Variants in TRIO observed in about 807,000 individuals in gnomAD.
TRIO encodes the protein triple functional domain protein.
In TRIO, 58 loss-of-function variants were observed where a neutral mutation model predicts 351.9. That is an observed-to-expected ratio of 0.16 (90% CI 0.13 to 0.21). The LOEUF is 0.21. Among genes scored for constraint, TRIO ranks in the 10% least tolerant of loss-of-function variants. The pLI, the probability that TRIO is intolerant of heterozygous loss-of-function variation, is 1.00. For missense variants in TRIO, 3,201 were observed against 4,027.8 expected (o/e 0.79, Z 5.56); for synonymous variants, 1,758 against 1,595.7 (o/e 1.10, Z -2.42).
At chr5:14,337,268 G>A (rs1389046133) in intron 11 of TRIO, among the ~76,000 whole-genome samples, 1 of 152,144 alleles carries the variant, frequency 6.6e-6, no homozygotes, top group Admixed American at 6.5e-5. Context: ...TGAAAAATAG[G>A]TAGGTACTAA....
chr5:14,369,440 G>T lies in TRIO; in HGVS notation c.3133G>T (p.Asp1045Tyr). 1.2e-6 allele frequency: 2 copies of T among 1,614,142 alleles called. No homozygotes were observed. The highest frequency in any genetic ancestry group is 1.7e-6 in the Non-Finnish European group (2 of 1,180,008). Residue 1045 changes from aspartate to tyrosine, a missense_variant, in exon 18 of 57, where the codon GAT becomes TAT. Around this residue, in one of 19 missense-constraint regions of TRIO, gnomAD observed 363 missense variants for 553.5 expected, o/e 0.66. Coordinates refer to ENST00000344204, the MANE Select transcript of TRIO (RefSeq NM_007118.4). ...AGAAGAAGACTGGTGTGGCGGGGCG[G>T]ATAAGCTGGGCCCAAACTCTGAGAC... ...KREEDWCGGA[D>Y]KLGPNSETDH...
intron 30 of TRIO, among the ~76,000 whole-genome samples, chr5:14,400,426 T>G (rs574717701): frequency 6.6e-6 from 1 of 152,330 alleles, no homozygotes; most frequent in African/African-American, 2.4e-5. Flanking sequence ...TTTCTCTGCA[T>G]GCTTCCATGT....
At chr5:14,442,547 C>T (rs1382353316) in intron 34 of TRIO, among the ~76,000 whole-genome samples, 1 of 152,154 alleles carries the variant, frequency 6.6e-6, no homozygotes, top group South Asian at 2.1e-4. Flanking sequence ...TTCAATAATA[C>T]TCCTTGTATT....
Position 14,419,964 on chromosome 5 carries a change from C to G in TRIO, c.5146C>G (p.Leu1716Val). The G allele has an allele frequency of 6.2e-7, 1 of 1,614,274 alleles. No individual in the cohort carries two copies. Among genetic ancestry groups the G allele is most frequent in the Non-Finnish European group, 8.5e-7 (1 of 1,180,046 alleles). Residue 1716 changes from leucine (L) to valine (V), a missense_variant, in exon 34 of 57, where the codon CTG (leucine) becomes GTG (valine). Coordinates refer to ENST00000344204, the MANE Select transcript of TRIO (RefSeq NM_007118.4). ...AAEGLVPCGSLCIAHSRSSME... is the reference protein window; with the variant it reads ...AAEGLVPCGSVCIAHSRSSME... ...AGAAGGCCTGGTCCCCTGTGGTTCA[C>G]TGTGCATCGCCCACTCCAGAAGTAG...
chr5:14,231,548 T>G (rs2152222307), intron 1 of TRIO, among the ~76,000 whole-genome samples: 1 of 152,358 alleles, frequency 6.6e-6, no homozygotes, highest in Admixed American at 6.5e-5. Flanking sequence ...CTGGGCCTTC[T>G]TTGCTCTCCT....
At chr5:14,289,556 T>G (rs571538331) in intron 4 of TRIO, among the ~76,000 whole-genome samples, 1 of 132,032 alleles carries the variant, frequency 7.6e-6, no homozygotes, top group African/African-American at 3.1e-5. Context: ...TTTCCTTTTT[T>G]AAAAAAAAAG....
chr5:14,424,830 G>A lies in TRIO; in HGVS notation c.5203+4809G>A, dbSNP rs562070349. The stretch of plus-strand genomic sequence containing the variant: ...AACTGTCCGAAATGTTGACTTTTCT[G>A]TGGGTCCACCCTGCTTTTCTCCAAG... On this transcript the variant is annotated intron_variant, in intron 34 of 56. Transcript: ENST00000344204. Among the ~76,000 whole-genome samples, 344 of 152,330 alleles carry A rather than the reference G, an allele frequency of 2.3e-3. 1 individual carries two copies. Among genetic ancestry groups the A allele is most frequent in the Non-Finnish European group, 4.1e-3 (276 of 68,028 alleles).
intron 1 of TRIO, among the ~76,000 whole-genome samples, chr5:14,180,847 C>CAA (rs34473680): frequency 2.0e-3 from 281 of 139,168 alleles, no homozygotes; most frequent in African/African-American, 7.6e-3. Context: ...AGTGCCCCCA[C>CAA]AAAAAAAAAA....
intron 34 of TRIO, among the ~76,000 whole-genome samples, chr5:14,450,133 C>T (rs1401548812): frequency 1.3e-5 from 2 of 152,120 alleles, no homozygotes; most frequent in South Asian, 2.1e-4. Context: ...ATGTGACTTC[C>T]GTTGGCTTGT....
At chr5:14,265,506 A>C (rs1322671155) in intron 1 of TRIO, among the ~76,000 whole-genome samples, 1 of 152,236 alleles carries the variant, frequency 6.6e-6, no homozygotes, top group Non-Finnish European at 1.5e-5. Context: ...TACCATTTTT[A>C]ACATAATATG....
chr5:14,410,634 C>T (rs1214658588), intron 33 of TRIO, among the ~76,000 whole-genome samples: 1 of 152,178 alleles, frequency 6.6e-6, no homozygotes, highest in African/African-American at 2.4e-5. Context: ...TAGTTGTTAT[C>T]ATGGAATTTG....
At chr5:14,176,271 A>G (rs970270414) in intron 1 of TRIO, among the ~76,000 whole-genome samples, 1 of 152,118 alleles carries the variant, frequency 6.6e-6, no homozygotes, top group Non-Finnish European at 1.5e-5. Context: ...GGAGATCGAG[A>G]TCATCCTGGC....
At chr5:14,375,326 T>C (rs1435827279) in intron 19 of TRIO, among the ~76,000 whole-genome samples, 1 of 152,244 alleles carries the variant, frequency 6.6e-6, no homozygotes, top group East Asian at 1.9e-4. Flanking sequence ...TTCACCCATC[T>C]CTCAATATTG....
At chr5:14,370,487 A>C (rs1264771086) in intron 18 of TRIO, among the ~76,000 whole-genome samples, 1 of 151,546 alleles carries the variant, frequency 6.6e-6, no homozygotes, top group Non-Finnish European at 1.5e-5. Context: ...TTTCCTCCTT[A>C]CCTTCTCATT....
intron 33 of TRIO, among the ~76,000 whole-genome samples, chr5:14,413,451 G>A (rs1168367155): frequency 1.3e-5 from 2 of 152,218 alleles, no homozygotes; most frequent in Admixed American, 1.3e-4. Flanking sequence ...CCTATGATAG[G>A]CATTCAGCGC....
Position 14,286,105 on chromosome 5 carries a change from T to C in TRIO, c.348-766T>C, listed in dbSNP as rs539765135. Among the ~76,000 whole-genome samples, 1 of 152,062 alleles carries C rather than the reference T, an allele frequency of 6.6e-6. No individual in the cohort carries two copies. Among genetic ancestry groups the C allele is most frequent in the African/African-American group, 2.4e-5 (1 of 41,434 alleles). On this transcript the variant is annotated intron_variant, in intron 3 of 56. Coordinates refer to ENST00000344204, the MANE Select transcript of TRIO (RefSeq NM_007118.4). The surrounding 1 kb of genome is among the most constrained non-coding windows in gnomAD (Gnocchi z 4.4). ...GAAGCTGGCACTTTTTTTTTTTAAG[T>C]GCAATAATGTGGAGAGGAAGAACAT... is the stretch of plus-strand genomic sequence containing the variant.
At chr5:14,261,996 G>A (rs1256006496) in intron 1 of TRIO, among the ~76,000 whole-genome samples, 1 of 152,166 alleles carries the variant, frequency 6.6e-6, no homozygotes. Context: ...TGTCGCTATT[G>A]CTCTGTGCCT....
At chr5:14,319,270 A>G (rs1739658456) in intron 9 of TRIO, among the ~76,000 whole-genome samples, 1 of 152,206 alleles carries the variant, frequency 6.6e-6, no homozygotes, top group African/African-American at 2.4e-5. Context: ...TTGTTGATGA[A>G]TGATCTGGAA....
At position 14,508,298 on chromosome 5, in the gene TRIO, G is replaced by C. The variant is rs755538582; in HGVS notation, c.9170G>C (p.Ser3057Thr). ...TGGCTGCAGGCCGGCAACGGCAGAA[G>C]CACGGGCGTCCTCGACACGTCCAGA... is the stretch of plus-strand genomic sequence containing the variant. Reference protein sequence around the residue: ...EQWLQAGNGRSTGVLDTSRLT... With the variant: ...EQWLQAGNGRTTGVLDTSRLT... The change falls in exon 57 of 57, where the codon AGC (serine) becomes ACC (threonine). Residue 3057 changes from serine (S) to threonine (T), a missense_variant. By Grantham distance (58) the Ser-to-Thr change is moderately conservative. This residue lies in a region of TRIO where 233 missense variants were observed against 292.6 expected (regional missense o/e 0.80). Transcript: ENST00000344204. The C allele has an allele frequency of 6.2e-7, 1 of 1,613,906 alleles. No homozygotes were observed. The highest frequency in any genetic ancestry group is 8.5e-7 in the Non-Finnish European group (1 of 1,180,042).
Sources: allele counts gnomAD v4.1 joint callset (sites outside exome capture counted in the v4.1 genomes callset), GRCh38; gene constraint gnomAD v4.1.1; regional missense constraint gnomAD v4.1.1; non-coding constraint Gnocchi (gnomAD v3.1); transcripts MANE v1.5; gene names NCBI Gene and HGNC (gene_info 2026-07-23, HGNC 2026-07-21).